TRMT11: variants seen among roughly 807,000 people sequenced by gnomAD.
The protein encoded by TRMT11 is tRNA (guanine(10)-N(2))-methyltransferase TRMT11.
Under a neutral mutation model 62.8 loss-of-function variants are expected in TRMT11, and 53 were observed. The ratio of observed to expected loss-of-function variants is 0.84; its 90% confidence interval spans 0.68 to 1.06. The LOEUF is 1.06. Among genes scored for constraint, TRMT11 ranks in the 50% least tolerant of loss-of-function variants. TRMT11 has a pLI of 0.00. For synonymous variants in TRMT11, 188 were observed against 190.3 expected (o/e 0.99, Z 0.10); for missense variants, 556 against 553.4 (o/e 1.00, Z -0.05).
chr6:126,099,640 G>T (rs1014505812), intron 17 of TRMT11, among the ~76,000 whole-genome samples: 1 of 152,154 alleles, frequency 6.6e-6, no homozygotes, highest in Non-Finnish European at 1.5e-5. Flanking sequence ...CCAGCTACTC[G>T]GGAGGCTGAG....
upstream of TRMT11, among the ~76,000 whole-genome samples, chr6:126,176,994 A>G (rs903990361): frequency 1.3e-5 from 2 of 151,522 alleles, no homozygotes; most frequent in African/African-American, 2.4e-5. Context: ...CTAGACTTCA[A>G]CAGATGTTTT....
intron 16 of TRMT11, among the ~76,000 whole-genome samples, chr6:126,047,459 A>G (rs1283886587): frequency 2.0e-5 from 3 of 151,710 alleles, no homozygotes; most frequent in African/African-American, 7.3e-5. Context: ...CATCCCCTTT[A>G]CAGCTCCCCA....
At chr6:126,103,703 A>C (rs749629628) in intron 17 of TRMT11, among the ~76,000 whole-genome samples, 1 of 152,202 alleles carries the variant, frequency 6.6e-6, no homozygotes, top group East Asian at 1.9e-4. Flanking sequence ...CCCCAGGTCC[A>C]TGCTACAAGG....
At chr6:126,184,233 C>T (rs1778501197) in intron 1 of TRMT11, among the ~76,000 whole-genome samples, 1 of 152,026 alleles carries the variant, frequency 6.6e-6, no homozygotes, top group Non-Finnish European at 1.5e-5. Flanking sequence ...TTTTCTATAC[C>T]TCTCAAAAAT....
At chr6:126,026,738 C>A (rs912667709) in intron 12 of TRMT11, among the ~76,000 whole-genome samples, 1 of 150,066 alleles carries the variant, frequency 6.7e-6, no homozygotes, top group African/African-American at 2.5e-5. Context: ...TAAAGATAGT[C>A]TTTCCTTGTC....
At chr6:126,040,407 A>C (rs2128087013), downstream of TRMT11, among the ~76,000 whole-genome samples, 1 of 152,204 alleles carries the variant, frequency 6.6e-6, no homozygotes, top group South Asian at 2.1e-4. Context: ...TCAGAGTATA[A>C]TTTGTTTAGT....
chr6:125,991,474 AG>A (rs888328361), intron 1 of TRMT11, among the ~76,000 whole-genome samples: 2 of 150,308 alleles, frequency 1.3e-5, no homozygotes, highest in African/African-American at 4.9e-5. Flanking sequence ...TGTTGGTGTG[AG>A]GGGGCGGGAG....
chr6:126,106,936 CAAA>C (rs59224462), intron 17 of TRMT11, among the ~76,000 whole-genome samples: 35 of 94,232 alleles, frequency 3.7e-4, no homozygotes, highest in African/African-American at 7.6e-4. Flanking sequence ...CTCTCTCTCT[CAAA>C]AAAAAAAAAA....
chr6:126,209,642 C>T, the TRMT11 span, among the ~76,000 whole-genome samples: 9 of 151,960 alleles, frequency 5.9e-5, no homozygotes, highest in Non-Finnish European at 8.8e-5. Flanking sequence ...AGGAGAATGG[C>T]GTGAACTTGG....
intron 17 of TRMT11, among the ~76,000 whole-genome samples, chr6:126,066,688 A>G (rs1230462564): frequency 6.6e-6 from 1 of 152,160 alleles, no homozygotes; most frequent in Non-Finnish European, 1.5e-5. Context: ...CCCTGTAGTC[A>G]GGATACTCCA....
At chr6:126,056,774 G>A (rs1322415452) in intron 17 of TRMT11, among the ~76,000 whole-genome samples, 1 of 152,210 alleles carries the variant, frequency 6.6e-6, no homozygotes, top group Non-Finnish European at 1.5e-5. Context: ...ACTCTGATGT[G>A]CGGTTAAATG....
intron 2 of TRMT11, among the ~76,000 whole-genome samples, chr6:125,994,783 G>A (rs1469757119): frequency 1.3e-5 from 2 of 152,198 alleles, no homozygotes; most frequent in East Asian, 3.8e-4. Flanking sequence ...ACGAGATCAT[G>A]CATACTGTGC....
the TRMT11 span, among the ~76,000 whole-genome samples, chr6:126,258,952 T>C: frequency 3.3e-5 from 5 of 152,132 alleles, no homozygotes; most frequent in Admixed American, 2.6e-4. Context: ...AATAGCTATT[T>C]TTCCGGATCC....
intron 17 of TRMT11, among the ~76,000 whole-genome samples, chr6:126,111,618 T>A (rs1777532758): frequency 6.6e-6 from 1 of 152,110 alleles, no homozygotes; most frequent in South Asian, 2.1e-4. Flanking sequence ...AACTGCAGGT[T>A]TCCAGGGTAC....
At chr6:126,051,971 C>T (rs1776232132) in intron 16 of TRMT11, among the ~76,000 whole-genome samples, 1 of 152,192 alleles carries the variant, frequency 6.6e-6, no homozygotes, top group Admixed American at 6.5e-5. Context: ...AAGATTCCTT[C>T]TGTGCCGTTT....
intron 21 of TRMT11, among the ~76,000 whole-genome samples, chr6:126,149,038 T>G (rs943587525): frequency 6.6e-6 from 1 of 152,220 alleles, no homozygotes; most frequent in African/African-American, 2.4e-5. Flanking sequence ...ATAGTGTAAT[T>G]ATTGTGTCAA....
At chr6:126,157,036 A>G (rs187416319) in intron 21 of TRMT11, among the ~76,000 whole-genome samples, 32 of 152,264 alleles carry the variant, frequency 2.1e-4, no homozygotes, top group African/African-American at 7.5e-4. Flanking sequence ...GGTTTTTGAT[A>G]GGGCCAGTCT....
At position 126,012,820 on chromosome 6, in the gene TRMT11, G is replaced by A. The variant is rs1389829703; in HGVS notation, c.975G>A (p.Glu325=). ...CAAGAAGAACAGGTTCACAGAAGGAGATACCAAAGGGGATAGAAAAATGGG... is the reference window on the plus strand; with the variant it reads ...CAAGAAGAACAGGTTCACAGAAGGAAATACCAAAGGGGATAGAAAAATGGG... ...ESTRRTGSQK[E]IPKGIEKWEK... is the part of the protein sequence containing the mutation. The change falls in exon 10 of 13, where the codon GAG becomes GAA. Residue 325 remains glutamate (E), a synonymous_variant. Coordinates refer to ENST00000334379, the MANE Select transcript of TRMT11 (RefSeq NM_001031712.3). 1 of 1,613,762 alleles carries A rather than the reference G, an allele frequency of 6.2e-7. No homozygotes were observed. The highest frequency in any genetic ancestry group is 1.3e-5 in the African/African-American group (1 of 75,038).
chr6:126,128,915 AT>A (rs36071656), intron 21 of TRMT11, among the ~76,000 whole-genome samples: 36,134 of 130,236 alleles, frequency 0.28, 4,119 homozygotes, highest in Middle Eastern at 0.38. Flanking sequence ...TTGTTTTCTG[AT>A]TTTTTTTTTT....
Sources: gnomAD v4.1 joint callset for allele counts (sites outside exome capture counted in the v4.1 genomes callset) on GRCh38, gnomAD v4.1.1 for gene constraint, MANE v1.5 for transcripts, NCBI Gene and HGNC (gene_info 2026-07-23, HGNC 2026-07-21) for gene names.